Variants in MAPK8 observed in about 807,000 individuals in gnomAD.
The protein encoded by MAPK8 is mitogen-activated protein kinase 8.
MAPK8 carries 13 observed loss-of-function variants against 52.9 expected under a neutral mutation model. That is an observed-to-expected ratio of 0.25 (90% CI 0.16 to 0.39). The LOEUF (loss-of-function observed/expected upper bound fraction) is 0.39, where lower values mean the gene tolerates loss of function less well. Ranked by LOEUF, MAPK8 falls within the 10% of genes least tolerant of loss-of-function variation. The pLI is 1.00. For missense variants in MAPK8, 300 were observed against 519.2 expected (o/e 0.58, Z 4.10); for synonymous variants, 191 against 169.8 (o/e 1.12, Z -0.97).
intron 2 of MAPK8, among the ~76,000 whole-genome samples, chr10:48,403,712 C>T (rs1049288728): frequency 1.4e-4 from 22 of 151,836 alleles, no homozygotes; most frequent in African/African-American, 5.3e-4. Context: ...AAAGCCAGCT[C>T]TCTGTTCAGA....
chr10:48,332,819 T>G (rs1844284681), intron 1 of MAPK8, among the ~76,000 whole-genome samples: 1 of 152,264 alleles, frequency 6.6e-6, no homozygotes, highest in Admixed American at 6.5e-5. Flanking sequence ...TGTCCAGATT[T>G]TTCCAAAAGT....
intron 11 of MAPK8, among the ~76,000 whole-genome samples, chr10:48,433,369 G>C (rs1329991680): frequency 2.6e-5 from 4 of 152,142 alleles, no homozygotes. Context: ...TTCAGTACAA[G>C]TCTTAGAAAC....
intron 1 of MAPK8, among the ~76,000 whole-genome samples, chr10:48,384,007 A>G (rs182347132): frequency 6.6e-6 from 1 of 152,212 alleles, no homozygotes; most frequent in African/African-American, 2.4e-5. Context: ...CTGCAATCCC[A>G]GCACTTTGGG....
intron 1 of MAPK8, among the ~76,000 whole-genome samples, chr10:48,341,761 A>G (rs998560285): frequency 3.3e-5 from 5 of 152,250 alleles, no homozygotes; most frequent in South Asian, 4.1e-4. Flanking sequence ...ACATGGTGCC[A>G]TGAAAGTATA....
chr10:48,346,123 G>A (rs1474007800), intron 1 of MAPK8, among the ~76,000 whole-genome samples: 1 of 152,166 alleles, frequency 6.6e-6, no homozygotes, highest in Non-Finnish European at 1.5e-5. Flanking sequence ...ACAAAAGCCT[G>A]TGGGCGGCAA....
At chr10:48,315,070 A>G (rs184120276) in intron 1 of MAPK8, among the ~76,000 whole-genome samples, 2 of 152,024 alleles carry the variant, frequency 1.3e-5, no homozygotes, top group East Asian at 3.9e-4. Context: ...TCCTGTTTTT[A>G]TTATTGTAGT....
intron 1 of MAPK8, among the ~76,000 whole-genome samples, chr10:48,362,345 T>G (rs1008784803): frequency 3.9e-5 from 6 of 152,070 alleles, no homozygotes; most frequent in Non-Finnish European, 8.8e-5. Flanking sequence ...GCATTTCATT[T>G]GTATCTTTTC....
intron 1 of MAPK8, among the ~76,000 whole-genome samples, chr10:48,379,255 CAAGTCAGGATTCTTGT>C (rs2040848624): frequency 6.6e-6 from 1 of 152,120 alleles, no homozygotes; most frequent in African/African-American, 2.4e-5. Context: ...TTACATACCG[CAAGTCAGGATTCTTGT>C]AAGGGAACAG....
chr10:48,364,057 A>T (rs1275411503), intron 1 of MAPK8, among the ~76,000 whole-genome samples: 3 of 152,180 alleles, frequency 2.0e-5, no homozygotes, highest in Non-Finnish European at 2.9e-5. Context: ...CCTGATTCAT[A>T]GTCATTTGGA....
At chr10:48,361,148 A>G (rs1685879284) in intron 1 of MAPK8, among the ~76,000 whole-genome samples, 1 of 152,194 alleles carries the variant, frequency 6.6e-6, no homozygotes, top group South Asian at 2.1e-4. Context: ...TTATACATGA[A>G]TTCTATCGAG....
chr10:48,350,538 T>C (rs1846211173), intron 1 of MAPK8, among the ~76,000 whole-genome samples: 2 of 152,246 alleles, frequency 1.3e-5, no homozygotes, highest in Admixed American at 1.3e-4. Context: ...TCTCAATAGA[T>C]GCAGAAAAGG....
chr10:48,359,506 C>G (rs896280079), intron 1 of MAPK8, among the ~76,000 whole-genome samples: 1 of 151,972 alleles, frequency 6.6e-6, no homozygotes, highest in African/African-American at 2.4e-5. Flanking sequence ...GGGGCTAGCC[C>G]TATCAGATAT....
At chr10:48,415,609 A>G (rs1348769020) in intron 5 of MAPK8, among the ~76,000 whole-genome samples, 2 of 152,206 alleles carry the variant, frequency 1.3e-5, no homozygotes, top group East Asian at 3.8e-4. Context: ...AGGTTGGCAG[A>G]CATATACCAG....
intron 11 of MAPK8, 71 bp downstream of exon 11, chr10:48,431,341 C>G: frequency 1.1e-6 from 1 of 918,632 alleles, no homozygotes; most frequent in Non-Finnish European, 1.7e-6. Flanking sequence ...TGGCCTGAAA[C>G]CTGCAGTTCT....
chr10:48,384,220 C>G (rs1427832225), intron 1 of MAPK8, among the ~76,000 whole-genome samples: 2 of 152,132 alleles, frequency 1.3e-5, no homozygotes, highest in Admixed American at 1.3e-4. Context: ...CTAGTGCACT[C>G]CAGCCTGGGC....
At chr10:48,335,858 A>G (rs1295369628) in intron 1 of MAPK8, among the ~76,000 whole-genome samples, 1 of 152,212 alleles carries the variant, frequency 6.6e-6, no homozygotes, top group Non-Finnish European at 1.5e-5. Context: ...ATCTGAAACT[A>G]TATTAATAAA....
At chr10:48,309,375 T>A (rs750399438) in intron 1 of MAPK8, among the ~76,000 whole-genome samples, 1 of 152,150 alleles carries the variant, frequency 6.6e-6, no homozygotes, top group Non-Finnish European at 1.5e-5. Flanking sequence ...GTAAGAGATA[T>A]AGCATCGATT....
chr10:48,389,926 G>A (rs1052609258), intron 1 of MAPK8, among the ~76,000 whole-genome samples: 4 of 152,098 alleles, frequency 2.6e-5, no homozygotes, highest in East Asian at 1.9e-4. Flanking sequence ...TTTATTATAC[G>A]GAATTAGTTC....
chr10:48,320,711 T>C (rs1030506073), intron 1 of MAPK8, among the ~76,000 whole-genome samples: 1 of 152,226 alleles, frequency 6.6e-6, no homozygotes, highest in Admixed American at 6.5e-5. Context: ...TTGTGTTGTA[T>C]GTTTTCATTT....
Sources: allele counts gnomAD v4.1 joint callset (sites outside exome capture counted in the v4.1 genomes callset), GRCh38; gene constraint gnomAD v4.1.1; transcripts MANE v1.5; gene names NCBI Gene and HGNC (gene_info 2026-07-23, HGNC 2026-07-21).